PTPRK: variants seen among roughly 807,000 people sequenced by gnomAD.
PTPRK encodes protein tyrosine phosphatase receptor type K, also known as receptor-type tyrosine-protein phosphatase kappa.
In PTPRK, 75 loss-of-function variants were observed where a neutral mutation model predicts 178.0. The ratio of observed to expected loss-of-function variants is 0.42; its 90% confidence interval spans 0.35 to 0.51. The LOEUF is 0.51. Ranked by LOEUF, PTPRK falls within the 20% of genes least tolerant of loss-of-function variation. The pLI is 0.02. For missense variants in PTPRK, 1,441 were observed against 1,797.8 expected (o/e 0.80, Z 3.59); for synonymous variants, 637 against 620.6 (o/e 1.03, Z -0.39).
Position 128,434,708 on chromosome 6 carries a change from T to A in PTPRK, c.101-37020A>T, listed in dbSNP as rs570556508. ...TATGCTGGTCCATTCCAGAATAAAC[T>A]TGAATAAATAGAGCTATTTCACTTC... is the stretch of plus-strand genomic sequence containing the variant. On this transcript the variant is annotated intron_variant, in intron 1 of 29. Transcript: ENST00000368226. 2.2e-4 allele frequency among the ~76,000 whole-genome samples: 33 copies of A among 152,236 alleles called. No homozygotes were observed. In the South Asian group the frequency reaches 5.4e-3, roughly 25 times the overall value.
intron 7 of PTPRK, among the ~76,000 whole-genome samples, chr6:128,113,722 C>A (rs1399119976): frequency 2.0e-5 from 3 of 152,024 alleles, no homozygotes; most frequent in African/African-American, 4.8e-5. Context: ...AATATAAACA[C>A]CAATTCTCCT....
chr6:128,016,789 G>A (rs1779640593), intron 13 of PTPRK, among the ~76,000 whole-genome samples: 1 of 151,628 alleles, frequency 6.6e-6, no homozygotes, highest in Non-Finnish European at 1.5e-5. Context: ...GTTGTTTCAG[G>A]TCCTCCTCCG....
chr6:128,231,019 G>A (rs947977756), intron 5 of PTPRK, among the ~76,000 whole-genome samples: 4 of 152,138 alleles, frequency 2.6e-5, no homozygotes, highest in Admixed American at 2.0e-4. Context: ...TCTCTTTACG[G>A]TAGGAAGCCA....
intron 14 of PTPRK, among the ~76,000 whole-genome samples, chr6:128,006,307 G>C (rs1778408554): frequency 6.6e-6 from 1 of 150,634 alleles, no homozygotes; most frequent in Admixed American, 6.6e-5. Flanking sequence ...ATAACATGCT[G>C]GTATTTCTTA....
At chr6:128,128,773 C>T (rs756444984) in intron 7 of PTPRK, among the ~76,000 whole-genome samples, 6 of 152,184 alleles carry the variant, frequency 3.9e-5, no homozygotes, top group Non-Finnish European at 8.8e-5. Context: ...AAGCTATACA[C>T]TCAACTCTCA....
chr6:128,382,654 G>A (rs1163912079), intron 2 of PTPRK, among the ~76,000 whole-genome samples: 2 of 151,570 alleles, frequency 1.3e-5, no homozygotes, highest in Admixed American at 1.3e-4. Flanking sequence ...TGGCCAGGCT[G>A]GTCTCGAACT....
At chr6:128,238,260 A>C (rs1392332324) in intron 5 of PTPRK, 1 of 383,594 alleles carries the variant, frequency 2.6e-6, no homozygotes, top group Non-Finnish European at 4.9e-6. Context: ...GTTTCATAGA[A>C]TATTTTACCT....
intron 13 of PTPRK, among the ~76,000 whole-genome samples, chr6:128,053,932 T>C (rs948545569): frequency 1.8e-4 from 28 of 152,346 alleles, no homozygotes; most frequent in African/African-American, 6.5e-4. Flanking sequence ...ACACCAGGCT[T>C]TCAGCTTGTT....
At chr6:128,416,351 T>G (rs536526612) in intron 1 of PTPRK, among the ~76,000 whole-genome samples, 1 of 151,574 alleles carries the variant, frequency 6.6e-6, no homozygotes, top group Admixed American at 6.6e-5. Context: ...AGATAAGAAC[T>G]GGAGAGGTGG....
chr6:128,462,415 T>C (rs1849176801), intron 1 of PTPRK, among the ~76,000 whole-genome samples: 2 of 151,814 alleles, frequency 1.3e-5, no homozygotes, highest in Non-Finnish European at 2.9e-5. Flanking sequence ...ACTAATGAGA[T>C]AGTAACACTC....
intron 1 of PTPRK, among the ~76,000 whole-genome samples, chr6:128,480,808 C>T (rs1462658695): frequency 6.6e-6 from 1 of 152,208 alleles, no homozygotes; most frequent in Non-Finnish European, 1.5e-5. Context: ...TCCAATACCA[C>T]ATCAGCCACC....
intron 3 of PTPRK, among the ~76,000 whole-genome samples, chr6:128,298,000 G>A (rs561229101): frequency 6.6e-6 from 1 of 152,218 alleles, no homozygotes; most frequent in East Asian, 1.9e-4. Flanking sequence ...AAGAAGAAAA[G>A]AGAGAAGAAT....
At chr6:128,259,493 C>T (rs1817855399) in intron 3 of PTPRK, among the ~76,000 whole-genome samples, 1 of 152,200 alleles carries the variant, frequency 6.6e-6, no homozygotes, top group Middle Eastern at 3.4e-3. Context: ...TACATATATG[C>T]ACATACATAC....
intron 6 of PTPRK, among the ~76,000 whole-genome samples, chr6:128,212,152 T>A (rs1303824069): frequency 1.3e-5 from 2 of 152,070 alleles, no homozygotes; most frequent in Non-Finnish European, 2.9e-5. Context: ...TAAGTCAAAA[T>A]TCTGTGTCAT....
At chr6:128,124,241 G>A (rs989767763) in intron 7 of PTPRK, among the ~76,000 whole-genome samples, 7 of 151,648 alleles carry the variant, frequency 4.6e-5, no homozygotes, top group Non-Finnish European at 8.8e-5. Context: ...ACAGGGTTTC[G>A]CCATGTTGAC....
At chr6:128,204,033 G>A (rs1260638714) in intron 6 of PTPRK, among the ~76,000 whole-genome samples, 2 of 152,146 alleles carry the variant, frequency 1.3e-5, no homozygotes, top group African/African-American at 2.4e-5. Flanking sequence ...TACAGTATAA[G>A]GCTACAGTAA....
intron 1 of PTPRK, among the ~76,000 whole-genome samples, chr6:128,518,575 G>A (rs1858448491): frequency 1.3e-5 from 2 of 152,142 alleles, no homozygotes; most frequent in South Asian, 4.2e-4. Flanking sequence ...TAGGCTCTCC[G>A]TGCAGTGACA....
intron 2 of PTPRK, among the ~76,000 whole-genome samples, chr6:128,372,789 G>T (rs1836471581): frequency 6.6e-6 from 1 of 152,124 alleles, no homozygotes; most frequent in African/African-American, 2.4e-5. Flanking sequence ...TCTCAGAAAA[G>T]TGTCTAACTT....
intron 6 of PTPRK, among the ~76,000 whole-genome samples, chr6:128,190,351 G>A (rs1803547697): frequency 6.6e-6 from 1 of 151,916 alleles, no homozygotes; most frequent in African/African-American, 2.4e-5. Flanking sequence ...AGCTCACAAT[G>A]CAGTCAGCAA....
Sources: allele counts gnomAD v4.1 joint callset (sites outside exome capture counted in the v4.1 genomes callset), GRCh38; gene constraint gnomAD v4.1.1; transcripts MANE v1.5; gene names NCBI Gene and HGNC (gene_info 2026-07-23, HGNC 2026-07-21).